The following ZNF280D variants were observed in gnomAD, a reference collection of about 807,000 sequenced individuals.
The protein encoded by ZNF280D is zinc finger protein 280D, also known as suppressor of hairy wing homolog 4.
A neutral mutation model predicts 94.7 loss-of-function variants in ZNF280D; 39 were observed. The ratio of observed to expected loss-of-function variants is 0.41; its 90% CI spans 0.32 to 0.54. The LOEUF (loss-of-function observed/expected upper bound fraction) is 0.54, where lower values mean the gene tolerates loss of function less well. Ranked by LOEUF, ZNF280D falls within the 20% of genes least tolerant of loss-of-function variation. The pLI is 0.22. For missense variants in ZNF280D, 1,090 were observed against 1,149.3 expected, an observed-to-expected ratio of 0.95 and a Z score of 0.75; for synonymous variants, 398 against 377.6, an observed-to-expected ratio of 1.05 and a Z score of -0.63.
At chr15:56,640,125 A>C (rs1358434107) in intron 20 of ZNF280D, among the ~76,000 whole-genome samples, 1 of 152,196 alleles carries the variant, frequency 6.6e-6, no homozygotes, top group African/African-American at 2.4e-5. Flanking sequence ...TAAGGTACAG[A>C]AAAGGAAAAG....
chr15:56,693,595 A>G (rs2056551701), intron 6 of ZNF280D, among the ~76,000 whole-genome samples: 1 of 152,102 alleles, frequency 6.6e-6, no homozygotes, highest in African/African-American at 2.4e-5. Context: ...ATGACTTCTA[A>G]AGATTCAGTA....
intron 13 of ZNF280D, among the ~76,000 whole-genome samples, chr15:56,669,895 TATATATA>T (rs2054609823): frequency 8.9e-5 from 1 of 11,264 alleles, no homozygotes; most frequent in African/African-American, 3.1e-4. Flanking sequence ...ATATTATATA[TATATATA>T]ATATATATAT....
At position 56,693,109 on chromosome 15, in the gene ZNF280D, A is replaced by G. The variant is rs1156858647; in HGVS notation, c.488T>C (p.Leu163Pro). Residue 163 changes from leucine (L) to proline (P), a missense_variant, in exon 7 of 22, where the codon CTT becomes CCT. Around this residue, in one of 3 missense-constraint regions of ZNF280D, gnomAD observed 386 missense variants for 372.0 expected, o/e 1.04. Coordinates refer to ENST00000267807, the MANE Select transcript of ZNF280D (RefSeq NM_017661.4). ...GLSHYQGGPT[L>P]SMAGMSESSF... ...ATACTAAAACCAACCTGCCATAGAA[A>G]GTGTTGGTCCCCCTTGGTAATGTGA... is the stretch of plus-strand genomic sequence containing the variant. 3 of 1,598,640 alleles carry G rather than the reference A, an allele frequency of 1.9e-6. No homozygotes were observed. The highest frequency in any genetic ancestry group is 2.6e-6 in the Non-Finnish European group (3 of 1,170,572).
chr15:56,645,796 C>T (rs1292184648), intron 19 of ZNF280D, among the ~76,000 whole-genome samples: 1 of 152,080 alleles, frequency 6.6e-6, no homozygotes, highest in Non-Finnish European at 1.5e-5. Flanking sequence ...ATCCACCTGC[C>T]TCGGCCTTCC....
chr15:56,643,470 C>T (rs2052727174), intron 19 of ZNF280D, among the ~76,000 whole-genome samples: 2 of 151,588 alleles, frequency 1.3e-5, no homozygotes, highest in South Asian at 4.2e-4. Flanking sequence ...TTATAGTTAA[C>T]TTACTCTGGA....
At chr15:56,666,243 G>C in intron 16 of ZNF280D, 152 bp downstream of exon 16, 1 of 657,478 alleles carries the variant, frequency 1.5e-6, no homozygotes, top group Non-Finnish European at 2.5e-6. Context: ...TGAGAAATAG[G>C]ACCAGGCAAT....
At chr15:56,692,985 A>G (rs536595227) in intron 7 of ZNF280D, 113 bp downstream of exon 7, 2 of 613,404 alleles carry the variant, frequency 3.3e-6, no homozygotes, top group Admixed American at 5.9e-5. Flanking sequence ...CCACCTTACA[A>G]TATATGAAAA....
At chr15:56,639,654 C>T (rs1489995499) in intron 20 of ZNF280D, among the ~76,000 whole-genome samples, 1 of 152,108 alleles carries the variant, frequency 6.6e-6, no homozygotes, top group African/African-American at 2.4e-5. Flanking sequence ...ATTTTAAAAA[C>T]TGCATGGGAA....
chr15:56,703,229 T>A (rs2057192595), intron 4 of ZNF280D, among the ~76,000 whole-genome samples: 1 of 152,162 alleles, frequency 6.6e-6, no homozygotes, highest in African/African-American at 2.4e-5. Flanking sequence ...CCTTAAGGAT[T>A]TAAATGTACT....
At chr15:56,690,070 C>T (rs2056336174) in intron 7 of ZNF280D, among the ~76,000 whole-genome samples, 1 of 152,106 alleles carries the variant, frequency 6.6e-6, no homozygotes, top group African/African-American at 2.4e-5. Context: ...TGAATGATAA[C>T]ACTTCATTCA....
chr15:56,634,233 T>G (rs1447037674), intron 21 of ZNF280D: 1 of 152,178 alleles, frequency 6.6e-6, no homozygotes. Context: ...TCTCATTAAT[T>G]TCAATCACTT....
intron 1 of ZNF280D, among the ~76,000 whole-genome samples, chr15:56,718,623 G>A (rs2058174415): frequency 6.6e-6 from 1 of 152,096 alleles, no homozygotes; most frequent in Non-Finnish European, 1.5e-5. Context: ...TTCACACAGG[G>A]TACAGGGAAT....
Position 56,669,938 on chromosome 15 carries a change from A to ATATATATAT in ZNF280D, c.1411-990_1411-982dup, listed in dbSNP as rs2054662996. 2.7e-3 allele frequency among the ~76,000 whole-genome samples: 9 copies of ATATATATAT among 3,304 alleles called. 1 individual carries two copies. Among genetic ancestry groups the ATATATATAT allele is most frequent in the African/African-American group, 0.012 (8 of 676 alleles). 2.2% of individuals were successfully genotyped at this position (3,304 alleles called of 152,430 possible). On this transcript the variant is annotated intron_variant, in intron 13 of 21. Coordinates refer to ENST00000267807, the MANE Select transcript of ZNF280D (RefSeq NM_017661.4). Reference sequence around the variant, plus strand: ...ATTATATATATATTATATATATATTATATATATATATTATATATATATATT... The same window carrying ATATATATAT: ...ATTATATATATATTATATATATATTATATATATATTATATATATATTATATATATATATT...
At chr15:56,689,815 T>G (rs1266686982) in intron 7 of ZNF280D, among the ~76,000 whole-genome samples, 1 of 151,234 alleles carries the variant, frequency 6.6e-6, no homozygotes, top group Non-Finnish European at 1.5e-5. Context: ...TTCTGACAAA[T>G]GAATTATCTT....
chr15:56,714,619 G>A (rs2057940260), intron 1 of ZNF280D, among the ~76,000 whole-genome samples: 2 of 152,080 alleles, frequency 1.3e-5, no homozygotes, highest in African/African-American at 2.4e-5. Flanking sequence ...CTCTTTCCAA[G>A]AATAAAAAGA....
chr15:56,720,573 C>T (rs776883951), intron 1 of ZNF280D, among the ~76,000 whole-genome samples: 15 of 152,162 alleles, frequency 9.9e-5, no homozygotes, highest in Non-Finnish European at 1.8e-4. Flanking sequence ...GTTTTCAATT[C>T]ACTTTACCCA....
At chr15:56,709,838 TCA>T (rs1310162705) in intron 1 of ZNF280D, among the ~76,000 whole-genome samples, 1 of 151,870 alleles carries the variant, frequency 6.6e-6, no homozygotes, top group Non-Finnish European at 1.5e-5. Flanking sequence ...AAGGGGAACA[TCA>T]CACACCGGGG....
chr15:56,689,282 A>G lies in ZNF280D; in HGVS notation c.670+18T>C, dbSNP rs766246763. ...TAAATACTATAACTTCTTTTTATGT[A>G]CCACATTTCATATTTACCTTTTGCT... is the stretch of plus-strand genomic sequence containing the variant. On this transcript the variant is annotated intron_variant, in intron 8 of 21. Transcript: ENST00000267807. 6 of 1,586,848 alleles carry G rather than the reference A, an allele frequency of 3.8e-6. No homozygotes were observed. The highest frequency in any genetic ancestry group is 1.4e-5 in the African/African-American group (1 of 73,214).
chr15:56,636,353 T>C (rs1475602192), intron 20 of ZNF280D, among the ~76,000 whole-genome samples: 1 of 152,172 alleles, frequency 6.6e-6, no homozygotes, highest in Non-Finnish European at 1.5e-5. Context: ...GTGGTCAGTC[T>C]ACTATTTAGT....
Sources: allele counts gnomAD v4.1 joint callset (sites outside exome capture counted in the v4.1 genomes callset), GRCh38; gene constraint gnomAD v4.1.1; regional missense constraint gnomAD v4.1.1; transcripts MANE v1.5; gene names NCBI Gene and HGNC (gene_info 2026-07-23, HGNC 2026-07-21).